Variants in BRAF observed in about 807,000 individuals in gnomAD.
BRAF encodes the protein serine/threonine-protein kinase B-raf.
Under a neutral mutation model 104.6 loss-of-function variants are expected in BRAF, and 16 were observed. The ratio of observed to expected loss-of-function variants is 0.15; its 90% CI spans 0.10 to 0.23. The LOEUF (loss-of-function observed/expected upper bound fraction) is 0.23. Among genes scored for constraint, BRAF ranks in the 10% least tolerant of loss-of-function variants. The pLI, the probability that BRAF is intolerant of heterozygous loss-of-function variation, is 1.00. For missense variants in BRAF, 541 were observed against 937.3 expected, an observed-to-expected ratio of 0.58 and a Z score of 5.52; for synonymous variants, 310 against 341.6, an observed-to-expected ratio of 0.91 and a Z score of 1.02.
At chr7:140,852,433 C>T (rs1809284165) in intron 1 of BRAF, among the ~76,000 whole-genome samples, 1 of 150,742 alleles carries the variant, frequency 6.6e-6, no homozygotes, top group Admixed American at 6.6e-5. Context: ...AAACAAAACA[C>T]ACAGCAGAAG....
chr7:140,915,766 CT>C (rs1476016898), intron 1 of BRAF, among the ~76,000 whole-genome samples: 2 of 151,702 alleles, frequency 1.3e-5, no homozygotes, highest in African/African-American at 4.8e-5. Flanking sequence ...GATATCCACA[CT>C]TCTTTACTTT....
At chr7:140,854,806 G>A (rs1349637477) in intron 1 of BRAF, among the ~76,000 whole-genome samples, 4 of 152,048 alleles carry the variant, frequency 2.6e-5, no homozygotes, top group East Asian at 1.9e-4. Flanking sequence ...TTAGCCGGGC[G>A]TGGTGGCGTG....
intron 14 of BRAF, among the ~76,000 whole-genome samples, chr7:140,772,025 T>C (rs1406340823): frequency 1.3e-5 from 2 of 151,544 alleles, no homozygotes; most frequent in African/African-American, 2.4e-5. Flanking sequence ...GTATTGGAAA[T>C]AGGGAGGAAA....
intron 14 of BRAF, among the ~76,000 whole-genome samples, chr7:140,756,199 G>C (rs1229238665): frequency 6.6e-6 from 1 of 152,148 alleles, no homozygotes. Context: ...GCATAAATTT[G>C]TTATAGGCCG....
At chr7:140,852,884 CTTCT>C (rs1221769724) in intron 1 of BRAF, among the ~76,000 whole-genome samples, 1 of 152,198 alleles carries the variant, frequency 6.6e-6, no homozygotes, top group African/African-American at 2.4e-5. Context: ...AATAAGCTCC[CTTCT>C]TTGAGTAAAC....
chr7:140,733,794 T>C (rs1338865908), intron 19 of BRAF: 1 of 170,890 alleles, frequency 5.9e-6, no homozygotes, highest in African/African-American at 2.4e-5. Flanking sequence ...TCTGTGAAGA[T>C]TTTTTGCAGG....
intron 1 of BRAF, among the ~76,000 whole-genome samples, chr7:140,923,840 C>T (rs1818537047): frequency 6.6e-6 from 1 of 152,116 alleles, no homozygotes; most frequent in East Asian, 1.9e-4. Flanking sequence ...AGAAGGCAGG[C>T]AGGTCCGACA....
At chr7:140,828,136 T>G (rs1002685026) in intron 3 of BRAF, among the ~76,000 whole-genome samples, 3 of 152,114 alleles carry the variant, frequency 2.0e-5, no homozygotes, top group Non-Finnish European at 2.9e-5. Context: ...CCTCAGGTGA[T>G]CCACTCCCCT....
chr7:140,783,299 C>A, intron 10 of BRAF, 142 bp from the exon 10 acceptor site: 1 of 964,902 alleles, frequency 1.0e-6, no homozygotes, highest in South Asian at 1.8e-5. Flanking sequence ...AAGGATGGGC[C>A]AAAAAGGGGC....
At chr7:140,835,268 T>C (rs1459470025) in intron 2 of BRAF, 5 of 192,996 alleles carry the variant, frequency 2.6e-5, no homozygotes, top group East Asian at 2.6e-4. Flanking sequence ...CCCGGAAAAG[T>C]TGTAGGCATA....
At chr7:140,745,744 T>C (rs1165553059) in intron 17 of BRAF, among the ~76,000 whole-genome samples, 5 of 152,246 alleles carry the variant, frequency 3.3e-5, no homozygotes, top group Admixed American at 6.5e-5. Context: ...TTTATTCATT[T>C]TGAATCCTTC....
chr7:140,815,943 G>A (rs1411443388), intron 3 of BRAF, among the ~76,000 whole-genome samples: 2 of 152,074 alleles, frequency 1.3e-5, no homozygotes, highest in African/African-American at 2.4e-5. Flanking sequence ...ATTTTTTACT[G>A]CTAAATTGCT....
intron 16 of BRAF, among the ~76,000 whole-genome samples, chr7:140,752,959 T>C (rs907074501): frequency 6.6e-6 from 1 of 152,210 alleles, no homozygotes; most frequent in Non-Finnish European, 1.5e-5. Flanking sequence ...CATATATTTT[T>C]GTTTGAAATA....
At chr7:140,864,398 A>G (rs146160261) in intron 1 of BRAF, among the ~76,000 whole-genome samples, 66 of 152,314 alleles carry the variant, frequency 4.3e-4, no homozygotes, top group African/African-American at 1.6e-3. Flanking sequence ...GAGAGAAATC[A>G]AGCATTATGT....
At chr7:140,715,748 G>A (rs1037186675), downstream of BRAF, among the ~76,000 whole-genome samples, 1 of 152,216 alleles carries the variant, frequency 6.6e-6, no homozygotes, top group African/African-American at 2.4e-5. Context: ...AGGATTTTAA[G>A]TACAACATTT....
At chr7:140,714,758 T>C (rs958444056), downstream of BRAF, among the ~76,000 whole-genome samples, 2 of 152,080 alleles carry the variant, frequency 1.3e-5, no homozygotes, top group Non-Finnish European at 2.9e-5. Flanking sequence ...TTAGAAAGGG[T>C]AGACAGTCAC....
At chr7:140,882,536 C>G (rs1026362153) in intron 1 of BRAF, among the ~76,000 whole-genome samples, 47 of 151,954 alleles carry the variant, frequency 3.1e-4, no homozygotes, top group African/African-American at 1.1e-3. Flanking sequence ...CGCCACCACA[C>G]CCAGCTAATT....
At chr7:140,887,791 G>C (rs900024376) in intron 1 of BRAF, among the ~76,000 whole-genome samples, 1 of 152,066 alleles carries the variant, frequency 6.6e-6, no homozygotes, top group Non-Finnish European at 1.5e-5. Flanking sequence ...ACAGCTCACC[G>C]CAGGCTCAAA....
At chr7:140,734,820 A>AAAG (rs2130871879) in intron 18 of BRAF, 50 bp from the exon 18 acceptor site, 5 of 1,370,526 alleles carry the variant, frequency 3.6e-6, no homozygotes, top group East Asian at 2.7e-5. Flanking sequence ...AAAAGAAAAA[A>AAAG]AAAGAAAGAA....
Sources: gnomAD v4.1 joint callset for allele counts (sites outside exome capture counted in the v4.1 genomes callset) on GRCh38, gnomAD v4.1.1 for gene constraint, MANE v1.5 for transcripts, NCBI Gene and HGNC (gene_info 2026-07-23, HGNC 2026-07-21) for gene names.